Variants in TENT5D observed in about 807,000 individuals in gnomAD.
TENT5D encodes the protein terminal nucleotidyltransferase 5D.
For synonymous variants in TENT5D, 103 were observed against 100.6 expected (o/e 1.02, Z -0.15); for missense variants, 191 against 287.0 (o/e 0.67, Z 2.42).
At chrX:80,347,392 C>G (rs1930085696) in intron 3 of TENT5D, among the ~76,000 whole-genome samples, 1 of 112,188 alleles carries the variant, frequency 8.9e-6, no homozygotes, top group Non-Finnish European at 1.9e-5. Flanking sequence ...GAGATGTTAT[C>G]TCATTGTGGT....
At position 80,443,626 on chromosome X, in the gene TENT5D, A is replaced by C; in HGVS notation, c.1087A>C (p.Ile363Leu). Reference sequence around the variant, plus strand: ...CTTTGCAGCTGAGGCAAGGTACCCTATTTATGTAATACCTGAGCCACCCCC... The same window carrying C: ...CTTTGCAGCTGAGGCAAGGTACCCTCTTTATGTAATACCTGAGCCACCCCC... Residue 363 changes from isoleucine to leucine, a missense_variant, in exon 3 of 3, where the codon ATT (isoleucine) becomes CTT (leucine). Coordinates refer to ENST00000308293, the Ensembl canonical transcript of TENT5D. 2 of 1,210,299 alleles carry C rather than the reference A, an allele frequency of 1.7e-6. No homozygotes were observed. Among genetic ancestry groups the C allele is most frequent in the Non-Finnish European group, 2.2e-6 (2 of 894,600 alleles).
chrX:80,422,198 G>A (rs1349136380), intron 1 of TENT5D, among the ~76,000 whole-genome samples: 1 of 110,902 alleles, frequency 9.0e-6, no homozygotes, highest in Non-Finnish European at 1.9e-5. Flanking sequence ...TTCATGGCTG[G>A]GTGCAGTGGC....
intron 3 of TENT5D, among the ~76,000 whole-genome samples, chrX:80,408,393 C>A (rs1931554164): frequency 9.0e-6 from 1 of 110,915 alleles, no homozygotes; most frequent in African/African-American, 3.3e-5. Flanking sequence ...CAAATAGACA[C>A]AATAAAAAAT....
chrX:80,412,341 G>A (rs950551212), intron 3 of TENT5D, among the ~76,000 whole-genome samples: 7 of 112,517 alleles, frequency 6.2e-5, no homozygotes, highest in East Asian at 2.8e-4. Flanking sequence ...GGTCTCTGAC[G>A]TGGCCTGGAG....
intron 1 of TENT5D, among the ~76,000 whole-genome samples, chrX:80,429,979 G>C (rs1932056014): frequency 9.1e-6 from 1 of 110,123 alleles, no homozygotes; most frequent in African/African-American, 3.3e-5. Context: ...ATTCTATTGG[G>C]AATGGGGATC....
chrX:80,420,585 G>A (rs892072887), intron 1 of TENT5D, 22 bp downstream of exon 1: 2 of 111,237 alleles, frequency 1.8e-5, no homozygotes, highest in African/African-American at 6.5e-5. Context: ...TGTAGAAAGG[G>A]AGTTTTTCTT....
chrX:80,369,946 C>T (rs1930590609), intron 3 of TENT5D, among the ~76,000 whole-genome samples: 1 of 110,434 alleles, frequency 9.1e-6, no homozygotes, highest in Admixed American at 9.8e-5. Flanking sequence ...TAGAGAGACG[C>T]TCTTGCTGTC....
At chrX:80,418,836 C>T (rs1239194756), upstream of TENT5D, among the ~76,000 whole-genome samples, 1 of 111,107 alleles carries the variant, frequency 9.0e-6, no homozygotes, top group Non-Finnish European at 1.9e-5. Flanking sequence ...ATGAAACTGC[C>T]TTATGACATT....
chrX:80,354,013 C>G (rs755983134), intron 3 of TENT5D, among the ~76,000 whole-genome samples: 1 of 111,112 alleles, frequency 9.0e-6, no homozygotes, highest in South Asian at 3.8e-4. Context: ...CTCATTGTGG[C>G]TTTGATTTGC....
chrX:80,344,859 T>C (rs1023210334), intron 3 of TENT5D, among the ~76,000 whole-genome samples: 1 of 111,556 alleles, frequency 9.0e-6, no homozygotes, highest in African/African-American at 3.3e-5. Context: ...AAAAGATTAA[T>C]TTAGATACTT....
At chrX:80,349,980 C>A (rs772701785) in intron 3 of TENT5D, among the ~76,000 whole-genome samples, 18 of 111,403 alleles carry the variant, frequency 1.6e-4, no homozygotes, top group Admixed American at 2.9e-4. Flanking sequence ...TTTCTTAATC[C>A]TGAGTTCTAA....
At chrX:80,409,048 A>G (rs1311393599) in intron 3 of TENT5D, among the ~76,000 whole-genome samples, 2 of 109,988 alleles carry the variant, frequency 1.8e-5, no homozygotes, top group African/African-American at 6.6e-5. Context: ...AAATTCAACA[A>G]CCCTTCATGC....
At chrX:80,407,649 A>G (rs1188322035) in intron 3 of TENT5D, among the ~76,000 whole-genome samples, 1 of 107,535 alleles carries the variant, frequency 9.3e-6, no homozygotes, top group Non-Finnish European at 1.9e-5. Flanking sequence ...CACAATAATA[A>G]TGGGAGACTT....
intron 2 of TENT5D, among the ~76,000 whole-genome samples, chrX:80,338,810 G>T (rs1929902113): frequency 2.7e-5 from 3 of 112,014 alleles, no homozygotes; most frequent in Admixed American, 9.5e-5. Context: ...TAAAAATGCA[G>T]ATTACTGGGC....
intron 2 of TENT5D, among the ~76,000 whole-genome samples, chrX:80,341,551 G>C (rs1929956771): frequency 9.0e-6 from 1 of 111,253 alleles, no homozygotes; most frequent in African/African-American, 3.3e-5. Flanking sequence ...CAGTGTATAA[G>C]GCAAAAGTCC....
chrX:80,349,341 T>C (rs893056775), intron 3 of TENT5D, among the ~76,000 whole-genome samples: 1 of 111,923 alleles, frequency 8.9e-6, no homozygotes, highest in Non-Finnish European at 1.9e-5. Context: ...ACAGAACTTG[T>C]TATTGGTCTA....
chrX:80,402,802 A>G (rs1003507363), intron 3 of TENT5D, among the ~76,000 whole-genome samples: 1 of 112,262 alleles, frequency 8.9e-6, no homozygotes, highest in African/African-American at 3.2e-5. Context: ...TCGTAGGCTA[A>G]CATGATCTTT....
At chrX:80,345,629 A>T (rs1930042934) in intron 3 of TENT5D, among the ~76,000 whole-genome samples, 1 of 111,889 alleles carries the variant, frequency 8.9e-6, no homozygotes, top group Non-Finnish European at 1.9e-5. Context: ...TTTTCCAAAC[A>T]TATGAGTGAT....
chrX:80,358,513 A>C (rs1210239370), intron 3 of TENT5D, among the ~76,000 whole-genome samples: 1 of 112,319 alleles, frequency 8.9e-6, no homozygotes, highest in African/African-American at 3.2e-5. Flanking sequence ...CACAAAGAAT[A>C]CACATATTTT....
Sources: allele counts gnomAD v4.1 joint callset (sites outside exome capture counted in the v4.1 genomes callset), GRCh38; gene constraint gnomAD v4.1.1; transcripts MANE v1.5; gene names NCBI Gene and HGNC (gene_info 2026-07-23, HGNC 2026-07-21).